PRMT7: variants seen among roughly 807,000 people sequenced by gnomAD.
PRMT7 encodes protein arginine methyltransferase 7, also known as protein arginine N-methyltransferase 7.
In PRMT7, 75 loss-of-function variants were observed where a neutral mutation model predicts 85.4. The observed-to-expected ratio is 0.88, with a 90% CI of 0.73 to 1.06. The LOEUF (loss-of-function observed/expected upper bound fraction) is 1.06, where lower values mean the gene tolerates loss of function less well. Ranked by LOEUF, PRMT7 falls within the 50% of genes least tolerant of loss-of-function variation. The pLI is 0.00. For synonymous variants in PRMT7, 397 were observed against 359.5 expected (o/e 1.10, Z -1.18); for missense variants, 868 against 915.2 (o/e 0.95, Z 0.67).
At chr16:68,340,119 AG>A in intron 9 of PRMT7, 151 bp downstream of exon 9, 2 of 865,664 alleles carry the variant, frequency 2.3e-6, no homozygotes, top group Non-Finnish European at 3.5e-6. Flanking sequence ...AAGCAAGCAA[AG>A]GCTAGCTGTA....
chr16:68,326,326 ACC>A (rs1265927979), intron 5 of PRMT7, among the ~76,000 whole-genome samples: 2 of 152,126 alleles, frequency 1.3e-5, no homozygotes, highest in African/African-American at 4.8e-5. Context: ...ATTCACCGCA[ACC>A]TCCGCCTCCT....
chr16:68,320,657 T>C (rs539640693), intron 3 of PRMT7, among the ~76,000 whole-genome samples: 1 of 152,152 alleles, frequency 6.6e-6, no homozygotes, highest in Non-Finnish European at 1.5e-5. Context: ...GCTGCAGAGA[T>C]TTGTTTATGA....
chr16:68,324,651 C>G (rs896567247), intron 4 of PRMT7, 32 bp from the exon 5 acceptor site: 4 of 1,611,224 alleles, frequency 2.5e-6, no homozygotes, highest in Non-Finnish European at 2.5e-6. Flanking sequence ...CTTATAATAA[C>G]TGGTAGTAAG....
At chr16:68,347,186 T>TG (rs1462531465) in intron 11 of PRMT7, 25 bp from the exon 12 acceptor site, 2 of 1,548,684 alleles carry the variant, frequency 1.3e-6, no homozygotes, top group African/African-American at 2.7e-5. Flanking sequence ...GGAAGCCCTG[T>TG]GCTGAGCTTG....
intron 3 of PRMT7, among the ~76,000 whole-genome samples, chr16:68,321,171 A>G (rs1161924261): frequency 6.6e-6 from 1 of 151,952 alleles, no homozygotes; most frequent in Non-Finnish European, 1.5e-5. Flanking sequence ...TGGGAGGCTG[A>G]GGCATGAGAA....
intron 7 of PRMT7, 64 bp from the exon 8 acceptor site, chr16:68,339,258 A>T: frequency 1.3e-6 from 2 of 1,598,134 alleles, no homozygotes; most frequent in East Asian, 2.2e-5. Context: ...CTTTTGATCA[A>T]TGGGAATTAC....
At chr16:68,314,380 G>A (rs1433500832) in intron 2 of PRMT7, among the ~76,000 whole-genome samples, 1 of 152,130 alleles carries the variant, frequency 6.6e-6, no homozygotes, top group African/African-American at 2.4e-5. Context: ...ACAGACGTGC[G>A]CCACCATGTC....
intron 6 of PRMT7, among the ~76,000 whole-genome samples, chr16:68,335,969 G>A (rs1026382538): frequency 2.6e-5 from 4 of 152,032 alleles, no homozygotes; most frequent in Admixed American, 6.5e-5. Flanking sequence ...TAGAGACAGG[G>A]TTTCACCACG....
At chr16:68,340,079 G>A in intron 9 of PRMT7, 111 bp downstream of exon 9, 3 of 1,206,706 alleles carry the variant, frequency 2.5e-6, no homozygotes, top group South Asian at 1.6e-5. Context: ...CAGGAGGGCT[G>A]TGTCAGAATC....
At chr16:68,334,865 CA>C (rs2084423977) in intron 6 of PRMT7, among the ~76,000 whole-genome samples, 1 of 151,936 alleles carries the variant, frequency 6.6e-6, no homozygotes, top group Admixed American at 6.6e-5. Context: ...GGGGCAATTT[CA>C]GCTCACTACA....
At position 68,337,520 on chromosome 16, in the gene PRMT7, C is replaced by A. The variant is rs771868763; in HGVS notation, c.453C>A (p.Ile151=). ...LVTELFDTEL[I]GEGALPSYEH... The stretch of plus-strand genomic sequence containing the variant: ...CAGAGTTGTTTGACACAGAGCTGAT[C>A]GGGGAGGGGGCGCTGCCCTCCTATG... The change falls in exon 7 of 19, where the codon ATC becomes ATA. Residue 151 remains isoleucine, a synonymous_variant. Transcript: ENST00000441236. 1.2e-6 allele frequency: 2 copies of A among 1,611,850 alleles called. No individual in the cohort carries two copies. Among genetic ancestry groups the A allele is most frequent in the Non-Finnish European group, 1.7e-6 (2 of 1,178,610 alleles).
chr16:68,332,053 G>T (rs1042187815), intron 6 of PRMT7, among the ~76,000 whole-genome samples: 2 of 152,084 alleles, frequency 1.3e-5, no homozygotes, highest in Admixed American at 6.6e-5. Flanking sequence ...GCTAGACTTC[G>T]TTGGTTTTGC....
chr16:68,333,147 C>CTA (rs1434162188), intron 6 of PRMT7, among the ~76,000 whole-genome samples: 1 of 152,060 alleles, frequency 6.6e-6, no homozygotes, highest in East Asian at 1.9e-4. Flanking sequence ...CAGGCGCCAC[C>CTA]ATACCCAACT....
chr16:68,326,726 A>C (rs143299190), intron 5 of PRMT7, among the ~76,000 whole-genome samples: 1 of 152,238 alleles, frequency 6.6e-6, no homozygotes, highest in East Asian at 1.9e-4. Flanking sequence ...CCCACGCTGC[A>C]CCCTCACCTG....
chr16:68,345,243 G>A (rs1283611785), intron 9 of PRMT7, among the ~76,000 whole-genome samples: 2 of 152,146 alleles, frequency 1.3e-5, no homozygotes, highest in East Asian at 1.9e-4. Flanking sequence ...TGTAAATTCC[G>A]AGTACGTTAA....
chr16:68,344,192 C>T lies in PRMT7; in HGVS notation c.928-1483C>T, dbSNP rs1399472633. On this transcript the variant is annotated intron_variant, in intron 9 of 18. Coordinates refer to ENST00000441236, the MANE Select transcript of PRMT7 (RefSeq NM_019023.5). ...GTATGTTACCCAGGCTGGTCCCGTA[C>T]ACCTGGCCTCAAACGATTTGCCAGC... 2.6e-5 allele frequency among the ~76,000 whole-genome samples: 4 copies of T among 152,340 alleles called. No individual in the cohort carries two copies. The East Asian group carries it at 7.7e-4, about 29-fold the overall frequency.
chr16:68,355,244 G>A (rs2088162846), intron 16 of PRMT7: 1 of 153,070 alleles, frequency 6.5e-6, no homozygotes, highest in Non-Finnish European at 1.5e-5. Context: ...CCCTTCTCCT[G>A]CCGGCTCCCA....
intron 5 of PRMT7, 34 bp from the exon 6 acceptor site, chr16:68,329,032 T>C: frequency 1.4e-6 from 2 of 1,456,906 alleles, no homozygotes; most frequent in East Asian, 2.3e-5. Flanking sequence ...AATTTATTGC[T>C]CATTTTTCCT....
intron 9 of PRMT7, among the ~76,000 whole-genome samples, chr16:68,343,732 C>T (rs1051560676): frequency 6.6e-6 from 1 of 152,168 alleles, no homozygotes; most frequent in Non-Finnish European, 1.5e-5. Context: ...ATTCCTGTTA[C>T]TATTTATTTT....
Sources: gnomAD v4.1 joint callset for allele counts (sites outside exome capture counted in the v4.1 genomes callset) on GRCh38, gnomAD v4.1.1 for gene constraint, MANE v1.5 for transcripts, NCBI Gene and HGNC (gene_info 2026-07-23, HGNC 2026-07-21) for gene names.